The following EPHA2 variants were observed in gnomAD, a reference collection of about 807,000 sequenced individuals.
EPHA2 encodes EPH receptor A2, also known as ephrin type-A receptor 2.
A neutral mutation model predicts 104.9 loss-of-function variants in EPHA2; 54 were observed. The ratio of observed to expected loss-of-function variants is 0.51; its 90% confidence interval spans 0.41 to 0.65. The LOEUF is 0.65. EPHA2 is among the 30% of genes least tolerant of loss of function. EPHA2 has a pLI of 0.00. For missense variants in EPHA2, 1,117 were observed against 1,369.5 expected (o/e 0.82, Z 2.91); for synonymous variants, 560 against 559.1 (o/e 1.00, Z -0.02).
In EPHA2 at chr1:16,135,067, G is replaced by A. The variant is rs750512129; in HGVS notation, c.1551C>T (p.Ala517=). ...VQALTQEGQG[A]GSKVHEFQTL... Reference sequence around the variant, plus strand: ...TCTGGAATTCGTGCACCTTGCTGCCGGCCCCCTGGCCCTCCTGCGTCAGTG... The same window carrying A: ...TCTGGAATTCGTGCACCTTGCTGCCAGCCCCCTGGCCCTCCTGCGTCAGTG... The change falls in exon 7 of 17, where the codon GCC becomes GCT. Residue 517 remains alanine, a synonymous_variant. Coordinates refer to ENST00000358432, the MANE Select transcript of EPHA2 (RefSeq NM_004431.5). The surrounding 1 kb of genome is among the most constrained non-coding windows in gnomAD (Gnocchi z 4.3). 2.0e-5 allele frequency: 32 copies of A among 1,613,382 alleles called. No individual in the cohort carries two copies. The highest frequency in any genetic ancestry group is 4.5e-5 in the East Asian group (2 of 44,900).
Position 16,128,822 on chromosome 1 carries a change from C to A in EPHA2, c.2825+612G>T, listed in dbSNP as rs1181514892. Among the ~76,000 whole-genome samples the A allele has an allele frequency of 6.6e-6, 1 of 152,108 alleles. No homozygotes were observed. Among genetic ancestry groups the A allele is most frequent in the Admixed American group, 6.5e-5 (1 of 15,288 alleles). On this transcript the variant is annotated intron_variant, in intron 16 of 16. Transcript: ENST00000358432. This position sits in a 1 kb window ranked among gnomAD's most constrained non-coding sequence, Gnocchi z 4.7. ...GTGGGACTGCAGGCTGAGAGCCAAC[C>A]AAGTGGAGAGAGGTGCCCGGGGTAG...
rs144914242 is a variant in EPHA2, at chr1:16,149,012, C to T, written c.189G>A (p.Pro63=). 4.7e-5 allele frequency: 76 copies of T among 1,613,860 alleles called. No homozygotes were observed. The highest frequency in any genetic ancestry group is 1.3e-4 in the East Asian group (6 of 44,890). The change falls in exon 3 of 17, where the codon CCG becomes CCA. Residue 63 remains proline, a synonymous_variant. Transcript: ENST00000358432. ...CGTTGCACACGGAGTACATGTAGAT[C>T]GGCATGTCATTCATGATGTTCTGCA... ...DLMQNIMNDM[P]IYMYSVCNVM...
At chr1:16,144,965 C>G (rs2024900154) in intron 3 of EPHA2, among the ~76,000 whole-genome samples, 1 of 152,196 alleles carries the variant, frequency 6.6e-6, no homozygotes, top group Admixed American at 6.5e-5. Context: ...TCCCTATGAA[C>G]TAGGGGATCA....
At position 16,132,444 on chromosome 1, in the gene EPHA2, A is replaced by AG. The variant is rs769676253; in HGVS notation, c.2054-6dup. ...TGATGATCATCATGGGCTTGTCTGT[A>AG]GGGGGGTGGGCACAGGTGAGAGGTA... On this transcript the variant is annotated splice_region_variant and splice_polypyrimidine_tract_variant and intron_variant, in intron 11 of 16. Coordinates refer to ENST00000358432, the MANE Select transcript of EPHA2 (RefSeq NM_004431.5). 4.3e-6 allele frequency: 7 copies of AG among 1,613,630 alleles called. No homozygotes were observed. Among genetic ancestry groups the AG allele is most frequent in the Non-Finnish European group, 4.2e-6 (5 of 1,179,980 alleles).
chr1:16,137,412 C>T (rs899412662), intron 5 of EPHA2, among the ~76,000 whole-genome samples: 1 of 151,916 alleles, frequency 6.6e-6, no homozygotes, highest in Non-Finnish European at 1.5e-5. Context: ...GCCTGGCCGA[C>T]ATAGTGAAAC....
At position 16,129,636 on chromosome 1, in the gene EPHA2, C is replaced by T. The variant is rs751956548; in HGVS notation, c.2670-47G>A. The T allele has an allele frequency of 5.1e-5, 80 of 1,572,560 alleles. 1 individual carries two copies. In the South Asian group the frequency reaches 8.3e-4, roughly 16 times the overall value. On this transcript the variant is annotated intron_variant, in intron 15 of 16. Coordinates refer to ENST00000358432, the MANE Select transcript of EPHA2 (RefSeq NM_004431.5). ...GTGAGGGGCTGCAGCACCCAGTCCA[C>T]CCTGGGCCCTGCACCTGCTGCTCCC...
At chr1:16,145,209 T>C (rs945500105) in intron 3 of EPHA2, among the ~76,000 whole-genome samples, 1 of 152,022 alleles carries the variant, frequency 6.6e-6, no homozygotes, top group African/African-American at 2.4e-5. Flanking sequence ...AGCGGAGACA[T>C]GGAGACAAAG....
In EPHA2 at chr1:16,131,651, C is replaced by T. The variant is rs2024570989; in HGVS notation, c.2475+70G>A. 2 of 1,600,938 alleles carry T rather than the reference C, an allele frequency of 1.2e-6. No individual in the cohort carries two copies. Among genetic ancestry groups the T allele is most frequent in the African/African-American group, 1.3e-5 (1 of 74,624 alleles). On this transcript the variant is annotated intron_variant, in intron 14 of 16. Coordinates refer to ENST00000358432, the MANE Select transcript of EPHA2 (RefSeq NM_004431.5). The surrounding 1 kb of genome is among the most constrained non-coding windows in gnomAD (Gnocchi z 5.2). ...ATCTAAACTGTCCTCTGCCCAGCCC[C>T]TGCAGTTTGAGATGAGTAAAGGGCT...
chr1:16,146,642 A>G (rs928041350), intron 3 of EPHA2, among the ~76,000 whole-genome samples: 56 of 152,330 alleles, frequency 3.7e-4, no homozygotes, highest in African/African-American at 1.2e-3. Flanking sequence ...TGGGAAGACA[A>G]GGGGGCGATG....
In EPHA2 at chr1:16,135,016, C is replaced by T. The variant is rs749060647; in HGVS notation, c.1582+20G>A. ...GTTCTGGGCCCTGGCCTGGTCCATG[C>T]CCAGGGTCCCCCAACTCACACAGCG... On this transcript the variant is annotated intron_variant, in intron 7 of 16. Coordinates refer to ENST00000358432, the MANE Select transcript of EPHA2 (RefSeq NM_004431.5). The surrounding 1 kb of genome is among the most constrained non-coding windows in gnomAD (Gnocchi z 4.3). 5.6e-6 allele frequency: 9 copies of T among 1,610,406 alleles called. No homozygotes were observed. In the South Asian group the frequency reaches 6.6e-5, roughly 12 times the overall value.
chr1:16,137,861 T>C lies in EPHA2; in HGVS notation c.1304A>G (p.Asn435Ser), dbSNP rs2024744204. The C allele has an allele frequency of 6.2e-7, 1 of 1,613,634 alleles. No individual in the cohort carries two copies. Among genetic ancestry groups the C allele is most frequent in the African/African-American group, 1.3e-5 (1 of 74,950 alleles). The change falls in exon 5 of 17, where the codon AAC (asparagine) becomes AGC (serine). Residue 435 changes from asparagine (N) to serine (S), a missense_variant. Transcript: ENST00000358432. ...RSFRTASVSI[N>S]QTEPPKVRLE... ...CCACCCCTGGACCTCACCTGTCTGG[T>C]TGATGCTGACACTGGCAGTACGGAA...
intron 1 of EPHA2, among the ~76,000 whole-genome samples, chr1:16,154,209 C>A (rs950579548): frequency 1.3e-5 from 2 of 152,136 alleles, no homozygotes; most frequent in African/African-American, 2.4e-5. Flanking sequence ...CCCTTCTCTC[C>A]AACCACAGTC....
At position 16,129,621 on chromosome 1, in the gene EPHA2, G is replaced by A. The variant is rs79915937; in HGVS notation, c.2670-32C>T. On this transcript the variant is annotated intron_variant, in intron 15 of 16. Coordinates refer to ENST00000358432, the MANE Select transcript of EPHA2 (RefSeq NM_004431.5). ...CAGGAAGCACTGCAGGTGAGGGGCTGCAGCACCCAGTCCACCCTGGGCCCT... is the reference window on the plus strand; with the variant it reads ...CAGGAAGCACTGCAGGTGAGGGGCTACAGCACCCAGTCCACCCTGGGCCCT... 80 of 1,593,680 alleles carry A rather than the reference G, an allele frequency of 5.0e-5. No homozygotes were observed. The African/African-American group carries it at 8.2e-4, about 16-fold the overall frequency.
rs2024570520 is a variant in EPHA2, at chr1:16,131,608, G to T, written c.2475+113C>A. On this transcript the variant is annotated intron_variant, in intron 14 of 16. Transcript: ENST00000358432. The surrounding 1 kb of genome is among the most constrained non-coding windows in gnomAD (Gnocchi z 5.2). ...AAAAAAAAAAATAAACATTTATGGA[G>T]CAAGCCTAAGAAGGTTCATCTAAAC... is the stretch of plus-strand genomic sequence containing the variant. The T allele has an allele frequency of 4.9e-6, 7 of 1,437,032 alleles. No individual in the cohort carries two copies. The highest frequency in any genetic ancestry group is 5.7e-6 in the Non-Finnish European group (6 of 1,050,862). 89.0% of individuals were successfully genotyped at this position (1,437,032 alleles called of 1,614,324 possible).
At chr1:16,146,710 C>A (rs1380034442) in intron 3 of EPHA2, among the ~76,000 whole-genome samples, 1 of 152,232 alleles carries the variant, frequency 6.6e-6, no homozygotes, top group Non-Finnish European at 1.5e-5. Flanking sequence ...TCGTAGGGAA[C>A]TTCTCATCGG....
chr1:16,133,566 T>C lies in EPHA2; in HGVS notation c.1779A>G (p.Thr593=), dbSNP rs746209886. The change falls in exon 10 of 17, where the codon ACA becomes ACG. Residue 593 remains threonine, a synonymous_variant. Transcript: ENST00000358432. ...KPLKTYVDPH[T]YEDPNQAVLK... ...ACACAGCCTGGTTGGGGTCCTCATA[T>C]GTGTGGGGGTCCACGTATGTCTTCA... 1 of 1,614,084 alleles carries C rather than the reference T, an allele frequency of 6.2e-7. No homozygotes were observed. The highest frequency in any genetic ancestry group is 1.3e-5 in the African/African-American group (1 of 75,030).
intron 3 of EPHA2, among the ~76,000 whole-genome samples, chr1:16,140,678 G>A (rs758249855): frequency 1.3e-5 from 2 of 152,036 alleles, no homozygotes; most frequent in Non-Finnish European, 2.9e-5. Flanking sequence ...GAGTGAAGTG[G>A]TGGGATCTCA....
At chr1:16,153,283 G>A (rs2025079693) in intron 1 of EPHA2, 1 of 985,354 alleles carries the variant, frequency 1.0e-6, no homozygotes, top group African/African-American at 1.7e-5. Context: ...CTCCGAGGCT[G>A]TGGTTCCCTC....
intron 3 of EPHA2, among the ~76,000 whole-genome samples, chr1:16,147,211 C>T (rs1470319716): frequency 6.6e-6 from 1 of 152,230 alleles, no homozygotes; most frequent in Admixed American, 6.5e-5. Context: ...CAAGGAGAGT[C>T]TGAATGAATT....
Sources: gnomAD v4.1 joint callset for allele counts (sites outside exome capture counted in the v4.1 genomes callset) on GRCh38, gnomAD v4.1.1 for gene constraint, Gnocchi (gnomAD v3.1) non-coding constraint, MANE v1.5 for transcripts, NCBI Gene and HGNC (gene_info 2026-07-23, HGNC 2026-07-21) for gene names.